The following NKAIN3 variants were observed in gnomAD, a reference collection of about 807,000 sequenced individuals.
NKAIN3 encodes sodium/potassium transporting ATPase interacting 3.
A neutral mutation model predicts 30.2 loss-of-function variants in NKAIN3; 25 were observed. The observed-to-expected ratio is 0.83, with a 90% confidence interval of 0.60 to 1.16. NKAIN3 has a LOEUF of 1.16. Among genes scored for constraint, NKAIN3 ranks in the 50% most tolerant of loss-of-function variants. The pLI, the probability that NKAIN3 is intolerant of heterozygous loss-of-function variation, is 0.00. For synonymous variants in NKAIN3, 91 were observed against 89.6 expected (o/e 1.02, Z -0.09); for missense variants, 225 against 254.1 (o/e 0.89, Z 0.78).
intron 1 of NKAIN3, among the ~76,000 whole-genome samples, chr8:62,566,040 C>A (rs948773064): frequency 6.6e-6 from 1 of 152,148 alleles, no homozygotes; most frequent in Non-Finnish European, 1.5e-5. Context: ...ATCCATCATC[C>A]TTGTAAGGCA....
intron 3 of NKAIN3, among the ~76,000 whole-genome samples, chr8:62,644,702 C>G (rs1812403895): frequency 6.6e-6 from 1 of 152,070 alleles, no homozygotes; most frequent in Admixed American, 6.6e-5. Flanking sequence ...TATTGACTGG[C>G]ATTTTCTTTA....
At chr8:62,870,215 T>TATCTATATCTAGATATAG (rs1563603796) in intron 4 of NKAIN3, among the ~76,000 whole-genome samples, 1 of 119,602 alleles carries the variant, frequency 8.4e-6, no homozygotes, top group Non-Finnish European at 1.8e-5. Flanking sequence ...TTTGTATATA[T>TATCTATATCTAGATATAG]ATATCTATAT....
chr8:62,321,392 G>A (rs927100922), intron 1 of NKAIN3, among the ~76,000 whole-genome samples: 5 of 152,196 alleles, frequency 3.3e-5, no homozygotes, highest in East Asian at 3.9e-4. Context: ...TTGCTTTGCA[G>A]GAGGAAAGGT....
At chr8:62,784,444 G>A in intron 4 of NKAIN3, among the ~76,000 whole-genome samples, 1 of 151,124 alleles carries the variant, frequency 6.6e-6, no homozygotes, top group African/African-American at 2.4e-5. Flanking sequence ...AATGAAAGAA[G>A]GGACATAATT....
At chr8:62,865,134 C>T (rs1263457668) in intron 4 of NKAIN3, among the ~76,000 whole-genome samples, 1 of 151,964 alleles carries the variant, frequency 6.6e-6, no homozygotes, top group African/African-American at 2.4e-5. Flanking sequence ...AGGAGAACTG[C>T]GACATCACCA....
chr8:62,466,716 A>C (rs149777188), intron 1 of NKAIN3, among the ~76,000 whole-genome samples: 50 of 152,306 alleles, frequency 3.3e-4, no homozygotes, highest in African/African-American at 1.2e-3. Context: ...ACAAAGATGA[A>C]TTCTGCCATA....
At chr8:62,349,340 G>T (rs1197327765) in intron 1 of NKAIN3, among the ~76,000 whole-genome samples, 3 of 152,120 alleles carry the variant, frequency 2.0e-5, no homozygotes, top group African/African-American at 7.2e-5. Context: ...GCTGAAATTA[G>T]AGGCGGGAAT....
intron 4 of NKAIN3, chr8:62,862,973 G>A (rs1217308359): frequency 4.2e-6 from 2 of 475,724 alleles, no homozygotes; most frequent in Non-Finnish European, 7.7e-6. Flanking sequence ...ATGCATATAT[G>A]TGTGTGCATG....
rs1816139371 is a variant in NKAIN3 at position 62,350,292 on chromosome 8, G to T, written c.54+101165G>T. Among the ~76,000 whole-genome samples the T allele has an allele frequency of 2.0e-5, 3 of 152,212 alleles. No homozygotes were observed. In the South Asian group the frequency reaches 6.2e-4, roughly 32 times the overall value. On this transcript the variant is annotated intron_variant, in intron 1 of 6. Transcript: ENST00000623646. ...ATGGAATATTATCCACCCTTAAAAA[G>T]GAATGTAATTTCAATACATGCAACA...
At chr8:62,928,252 T>C (rs1472171404) in intron 5 of NKAIN3, among the ~76,000 whole-genome samples, 2 of 152,362 alleles carry the variant, frequency 1.3e-5, no homozygotes, top group Non-Finnish European at 2.9e-5. Context: ...AAATTATTTC[T>C]AAGTTATAAC....
intron 4 of NKAIN3, among the ~76,000 whole-genome samples, chr8:62,799,151 A>T (rs1307830931): frequency 6.6e-6 from 1 of 152,212 alleles, no homozygotes; most frequent in Non-Finnish European, 1.5e-5. Flanking sequence ...GAATATGAAC[A>T]TAGTGAGGAG....
intron 1 of NKAIN3, among the ~76,000 whole-genome samples, chr8:62,554,150 G>T (rs35650596): frequency 6.6e-5 from 10 of 152,152 alleles, no homozygotes; most frequent in African/African-American, 9.7e-5. Flanking sequence ...CTTGAGATTA[G>T]AAACATCTTT....
chr8:62,415,122 A>G (rs1429528905), intron 1 of NKAIN3, among the ~76,000 whole-genome samples: 2 of 74,834 alleles, frequency 2.7e-5, no homozygotes, highest in African/African-American at 7.3e-5. Context: ...TGTATAATAT[A>G]TAATATACTA....
At chr8:62,663,775 A>T (rs1813015580) in intron 3 of NKAIN3, among the ~76,000 whole-genome samples, 1 of 152,184 alleles carries the variant, frequency 6.6e-6, no homozygotes, top group Non-Finnish European at 1.5e-5. Flanking sequence ...GTGGGACAGT[A>T]ATACAAAAGA....
intron 4 of NKAIN3, among the ~76,000 whole-genome samples, chr8:62,900,922 G>A (rs1038352769): frequency 2.0e-5 from 3 of 152,166 alleles, no homozygotes; most frequent in African/African-American, 7.2e-5. Context: ...CCCATCCTGA[G>A]ACCTGGGTAT....
intron 3 of NKAIN3, among the ~76,000 whole-genome samples, chr8:62,725,843 A>G (rs1230284699): frequency 6.6e-6 from 1 of 151,930 alleles, no homozygotes; most frequent in African/African-American, 2.4e-5. Context: ...TTGTGGTTTC[A>G]TATACATTTT....
chr8:62,740,373 T>A (rs1815826176), intron 3 of NKAIN3, among the ~76,000 whole-genome samples: 1 of 152,096 alleles, frequency 6.6e-6, no homozygotes, highest in Non-Finnish European at 1.5e-5. Context: ...GGCTGACTTG[T>A]GATGGAAACA....
intron 4 of NKAIN3, among the ~76,000 whole-genome samples, chr8:62,875,932 A>G (rs568877185): frequency 6.6e-6 from 1 of 152,264 alleles, no homozygotes; most frequent in African/African-American, 2.4e-5. Context: ...AGACTTCATG[A>G]AAAAACAGCA....
intron 1 of NKAIN3, among the ~76,000 whole-genome samples, chr8:62,430,923 G>C (rs575912118): frequency 9.5e-4 from 144 of 151,898 alleles, no homozygotes; most frequent in African/African-American, 3.3e-3. Context: ...GCTTCTTTTA[G>C]ACCCTGAAAA....
Sources: allele counts gnomAD v4.1 joint callset (sites outside exome capture counted in the v4.1 genomes callset), GRCh38; gene constraint gnomAD v4.1.1; transcripts MANE v1.5; gene names NCBI Gene and HGNC (gene_info 2026-07-23, HGNC 2026-07-21).